TNR: variants seen among roughly 807,000 people sequenced by gnomAD.
TNR encodes the protein tenascin R, also known as tenascin-R.
TNR carries 45 observed loss-of-function variants against 150.4 expected under a neutral mutation model. The observed-to-expected ratio is 0.30, with a 90% CI of 0.24 to 0.38. The LOEUF (loss-of-function observed/expected upper bound fraction) is 0.38. TNR is among the 10% of genes least tolerant of loss of function. The pLI is 1.00. For missense variants in TNR, 1,544 were observed against 1,759.1 expected (o/e 0.88, Z 2.19); for synonymous variants, 687 against 678.4 (o/e 1.01, Z -0.20).
chr1:175,333,918 T>C (rs1650081177), intron 20 of TNR, among the ~76,000 whole-genome samples: 1 of 152,190 alleles, frequency 6.6e-6, no homozygotes, highest in African/African-American at 2.4e-5. Context: ...GGAGTGCTCC[T>C]GGCAGAGGAA....
chr1:175,347,497 G>T (rs574187530), intron 18 of TNR, among the ~76,000 whole-genome samples: 2 of 151,706 alleles, frequency 1.3e-5, no homozygotes, highest in Non-Finnish European at 1.5e-5. Flanking sequence ...GTGTCATCTC[G>T]GCTCACAGCA....
intron 1 of TNR, among the ~76,000 whole-genome samples, chr1:175,657,287 T>C (rs1397982559): frequency 2.0e-5 from 3 of 152,160 alleles, no homozygotes; most frequent in Non-Finnish European, 4.4e-5. Flanking sequence ...CTGGCGAGGA[T>C]GTGGAGAAAT....
chr1:175,717,393 A>G (rs1667184152), intron 1 of TNR, among the ~76,000 whole-genome samples: 1 of 152,174 alleles, frequency 6.6e-6, no homozygotes, highest in African/African-American at 2.4e-5. Flanking sequence ...GCATCACGCA[A>G]TATACCCAGG....
At chr1:175,497,463 A>G (rs774913584) in intron 2 of TNR, among the ~76,000 whole-genome samples, 5 of 152,254 alleles carry the variant, frequency 3.3e-5, no homozygotes, top group Non-Finnish European at 7.3e-5. Context: ...AATTGCTTCC[A>G]ATTGTGCATT....
At chr1:175,710,696 T>A (rs986174974) in intron 1 of TNR, among the ~76,000 whole-genome samples, 21 of 152,154 alleles carry the variant, frequency 1.4e-4, no homozygotes, top group African/African-American at 4.6e-4. Flanking sequence ...GCTTAGGCCC[T>A]AACCACTTTT....
chr1:175,584,039 C>G lies in TNR; in HGVS notation c.-164-55670G>C, dbSNP rs1662472161. Among the ~76,000 whole-genome samples the G allele has an allele frequency of 2.6e-5, 4 of 152,212 alleles. 1 individual carries two copies. Among genetic ancestry groups the G allele is most frequent in the Non-Finnish European group, 5.9e-5 (4 of 68,048 alleles). On this transcript the variant is annotated intron_variant, in intron 1 of 22. Coordinates refer to ENST00000367674, the MANE Select transcript of TNR (RefSeq NM_003285.3). ...ACCCTATTAGGCTCAAATACCTCATCTGTAATACAAACCTTAATGGGTGCT... is the reference window on the plus strand; with the variant it reads ...ACCCTATTAGGCTCAAATACCTCATGTGTAATACAAACCTTAATGGGTGCT...
At chr1:175,464,974 G>C (rs1465804736) in intron 2 of TNR, among the ~76,000 whole-genome samples, 1 of 152,160 alleles carries the variant, frequency 6.6e-6, no homozygotes, top group African/African-American at 2.4e-5. Context: ...TGCCCTGCCT[G>C]TTCCTAAGTG....
chr1:175,323,324 G>A lies in TNR; in HGVS notation c.*33C>T. The A allele has an allele frequency of 6.2e-7, 1 of 1,608,834 alleles. No homozygotes were observed. Among genetic ancestry groups the A allele is most frequent in the Non-Finnish European group, 8.5e-7 (1 of 1,177,748 alleles). ...TATTATAAAATACAAACAAATGACAGAAAATATTGGTTGGCTTGCAGCCGC... is the reference window on the plus strand; with the variant it reads ...TATTATAAAATACAAACAAATGACAAAAAATATTGGTTGGCTTGCAGCCGC... On this transcript the variant is annotated 3_prime_UTR_variant, in exon 23 of 23. Coordinates refer to ENST00000367674, the MANE Select transcript of TNR (RefSeq NM_003285.3).
chr1:175,668,323 G>T (rs541557013), intron 1 of TNR, among the ~76,000 whole-genome samples: 4 of 152,318 alleles, frequency 2.6e-5, no homozygotes, highest in African/African-American at 9.6e-5. Context: ...TGAGTGGTCA[G>T]GTGGCTTTCA....
intron 2 of TNR, among the ~76,000 whole-genome samples, chr1:175,427,850 TTTCCTTCC>T (rs201488053): frequency 2.9e-5 from 4 of 137,768 alleles, no homozygotes; most frequent in Non-Finnish European, 1.6e-5. Flanking sequence ...TTCCCTCTTT[TTTCCTTCC>T]TTCCTTCCTT....
At chr1:175,421,705 G>C (rs181552143) in intron 2 of TNR, among the ~76,000 whole-genome samples, 2 of 152,232 alleles carry the variant, frequency 1.3e-5, no homozygotes, top group Non-Finnish European at 2.9e-5. Context: ...CAAGATCTCT[G>C]GGCTCTTCCT....
chr1:175,466,966 G>A (rs912104328), intron 2 of TNR, among the ~76,000 whole-genome samples: 2 of 152,172 alleles, frequency 1.3e-5, no homozygotes, highest in East Asian at 3.8e-4. Context: ...TGTGGCAGAG[G>A]TGGGAGAAAT....
chr1:175,672,420 G>C (rs1271091515), intron 1 of TNR, among the ~76,000 whole-genome samples: 5 of 152,212 alleles, frequency 3.3e-5, no homozygotes, highest in African/African-American at 1.2e-4. Context: ...GAGATGTGCT[G>C]ACTTCCACCA....
chr1:175,422,327 C>T (rs930887239), intron 2 of TNR, among the ~76,000 whole-genome samples: 2 of 152,168 alleles, frequency 1.3e-5, no homozygotes, highest in African/African-American at 4.8e-5. Context: ...TATCTTTTAT[C>T]GCAGCATTCA....
At chr1:175,510,831 T>C (rs556603755) in intron 2 of TNR, among the ~76,000 whole-genome samples, 15 of 152,360 alleles carry the variant, frequency 9.8e-5, no homozygotes, top group African/African-American at 3.6e-4. Flanking sequence ...GATAGTATCC[T>C]AGAACTGGCA....
intron 1 of TNR, among the ~76,000 whole-genome samples, chr1:175,682,935 C>A (rs187069474): frequency 2.9e-3 from 441 of 152,256 alleles, no homozygotes; most frequent in African/African-American, 0.01. Context: ...TAGCTAGAGC[C>A]AGGAAAGTCC....
intron 1 of TNR, among the ~76,000 whole-genome samples, chr1:175,653,266 A>C (rs1665057650): frequency 6.6e-6 from 1 of 152,192 alleles, no homozygotes; most frequent in South Asian, 2.1e-4. Flanking sequence ...TGTCCTAGGA[A>C]ATGAGATGAT....
chr1:175,484,813 A>G (rs1007998946), intron 2 of TNR, among the ~76,000 whole-genome samples: 2 of 152,204 alleles, frequency 1.3e-5, no homozygotes, highest in African/African-American at 4.8e-5. Context: ...GGATGGAAGA[A>G]GGAACACCAC....
rs939323117 is a variant in TNR at position 175,599,908 on chromosome 1, A to G, written c.-164-71539T>C. 2.0e-5 allele frequency among the ~76,000 whole-genome samples: 3 copies of G among 152,172 alleles called. No individual in the cohort carries two copies. Among genetic ancestry groups the G allele is most frequent in the African/African-American group, 7.2e-5 (3 of 41,448 alleles). ...TCGGCGTGGGGATGCTGAGGCAGGC[A>G]AGAGACTGGGGCCGGTTCTACAGGA... On this transcript the variant is annotated intron_variant, in intron 1 of 22. Coordinates refer to ENST00000367674, the MANE Select transcript of TNR (RefSeq NM_003285.3). This position sits in a 1 kb window ranked among gnomAD's most constrained non-coding sequence, Gnocchi z 4.7.
Sources: allele counts gnomAD v4.1 joint callset (sites outside exome capture counted in the v4.1 genomes callset), GRCh38; gene constraint gnomAD v4.1.1; non-coding constraint Gnocchi (gnomAD v3.1); transcripts MANE v1.5; gene names NCBI Gene and HGNC (gene_info 2026-07-23, HGNC 2026-07-21).